Variants in NTM observed in about 807,000 individuals in gnomAD.
NTM encodes IgLON family member 2.
NTM carries 13 observed loss-of-function variants against 42.1 expected under a neutral mutation model. The ratio of observed to expected loss-of-function variants is 0.31; its 90% CI spans 0.20 to 0.49. NTM has a LOEUF of 0.49. NTM is among the 20% of genes least tolerant of loss of function. The pLI is 0.99. For synonymous variants in NTM, 187 were observed against 179.2 expected (o/e 1.04, Z -0.35); for missense variants, 373 against 452.8 (o/e 0.82, Z 1.60).
chr11:131,871,242 T>C (rs998180366), intron 1 of NTM, among the ~76,000 whole-genome samples: 5 of 152,230 alleles, frequency 3.3e-5, no homozygotes, highest in Non-Finnish European at 1.5e-5. Context: ...TAGTGCTCAG[T>C]GGTGCTCAGT....
At chr11:132,269,140 G>T (rs1366671837) in intron 4 of NTM, among the ~76,000 whole-genome samples, 2 of 152,150 alleles carry the variant, frequency 1.3e-5, no homozygotes, top group Non-Finnish European at 2.9e-5. Context: ...GAAAGGGCAT[G>T]ATATTGTTTT....
intron 1 of NTM, among the ~76,000 whole-genome samples, chr11:131,649,342 ATGCAGTGTC>A (rs1205628716): frequency 6.6e-6 from 1 of 152,238 alleles, no homozygotes; most frequent in Non-Finnish European, 1.5e-5. Context: ...CAGAAACAGA[ATGCAGTGTC>A]TGTTTATGCA....
intron 1 of NTM, among the ~76,000 whole-genome samples, chr11:131,648,018 C>T (rs769248453): frequency 6.6e-6 from 1 of 152,174 alleles, no homozygotes; most frequent in Admixed American, 6.5e-5. Context: ...CACCCTCTAT[C>T]TCCTGATAGG....
intron 1 of NTM, among the ~76,000 whole-genome samples, chr11:131,426,226 T>C (rs1591633546): frequency 1.3e-5 from 2 of 152,142 alleles, no homozygotes; most frequent in African/African-American, 4.8e-5. Context: ...CAGGATGAAG[T>C]CTGGGAACTG....
At chr11:132,162,077 T>C (rs1034756674) in intron 3 of NTM, among the ~76,000 whole-genome samples, 1 of 152,214 alleles carries the variant, frequency 6.6e-6, no homozygotes, top group Middle Eastern at 3.4e-3. Context: ...CGTCCTAATG[T>C]AAAGTGCGTG....
chr11:131,502,597 C>T (rs144506249), intron 1 of NTM, among the ~76,000 whole-genome samples: 233 of 152,208 alleles, frequency 1.5e-3, no homozygotes, highest in African/African-American at 4.9e-3. Flanking sequence ...CTGCATTCCC[C>T]GGCGTCTCTG....
intron 2 of NTM, among the ~76,000 whole-genome samples, chr11:132,136,221 G>T (rs1324596141): frequency 3.3e-5 from 5 of 152,110 alleles, no homozygotes; most frequent in Non-Finnish European, 5.9e-5. Flanking sequence ...TCCGTAGATG[G>T]TAGAAATGGA....
intron 1 of NTM, among the ~76,000 whole-genome samples, chr11:131,709,282 G>A (rs573470109): frequency 2.1e-4 from 32 of 152,264 alleles, no homozygotes; most frequent in Admixed American, 2.1e-3. Context: ...GGCAGCTTCT[G>A]AGCAGAAGAA....
chr11:131,702,386 C>A (rs533163316), intron 1 of NTM, among the ~76,000 whole-genome samples: 1 of 152,300 alleles, frequency 6.6e-6, no homozygotes, highest in South Asian at 2.1e-4. Flanking sequence ...TTAAAATGAT[C>A]TCATCATCAC....
intron 2 of NTM, among the ~76,000 whole-genome samples, chr11:132,078,241 G>A (rs2058610713): frequency 6.6e-6 from 1 of 152,188 alleles, no homozygotes; most frequent in South Asian, 2.1e-4. Context: ...TTCCAAATGA[G>A]GACTGCTTGG....
At chr11:131,744,156 A>G (rs1252934841) in intron 1 of NTM, among the ~76,000 whole-genome samples, 1 of 152,160 alleles carries the variant, frequency 6.6e-6, no homozygotes, top group Non-Finnish European at 1.5e-5. Context: ...ATTAGAGGTA[A>G]TTATTCCTAA....
At position 131,736,169 on chromosome 11, in the gene NTM, G is replaced by A. The variant is rs1036621738; in HGVS notation, c.83-175395G>A. On this transcript the variant is annotated intron_variant, in intron 1 of 8. Transcript: ENST00000683400. Reference sequence around the variant, plus strand: ...ATATTAAGAAACAAAGGCCTAAGAAGGTGACTTGTCCAAAGTCACCTGCCT... The same window carrying A: ...ATATTAAGAAACAAAGGCCTAAGAAAGTGACTTGTCCAAAGTCACCTGCCT... Among the ~76,000 whole-genome samples the A allele has an allele frequency of 3.3e-5, 5 of 151,898 alleles. No individual in the cohort carries two copies. The East Asian group carries it at 9.7e-4, about 29-fold the overall frequency.
chr11:132,224,149 A>G (rs2085710542), intron 4 of NTM, among the ~76,000 whole-genome samples: 1 of 152,226 alleles, frequency 6.6e-6, no homozygotes, highest in South Asian at 2.1e-4. Context: ...AGGATCCTCC[A>G]CTACGAGGAG....
chr11:132,177,547 C>T (rs2076998248), intron 3 of NTM, among the ~76,000 whole-genome samples: 1 of 152,178 alleles, frequency 6.6e-6, no homozygotes, highest in Non-Finnish European at 1.5e-5. Context: ...AGGTACTAAT[C>T]CATAACAAAT....
intron 3 of NTM, among the ~76,000 whole-genome samples, chr11:132,206,532 C>G (rs2082013219): frequency 6.6e-6 from 1 of 152,194 alleles, no homozygotes; most frequent in African/African-American, 2.4e-5. Flanking sequence ...GAGGTTCAGA[C>G]AGTTATTAGC....
chr11:132,214,954 C>T lies in NTM; in HGVS notation c.526+2807C>T, dbSNP rs538505358. Among the ~76,000 whole-genome samples, 3 of 152,336 alleles carry T rather than the reference C, an allele frequency of 2.0e-5. No homozygotes were observed. The East Asian group carries it at 5.8e-4, about 29-fold the overall frequency. On this transcript the variant is annotated intron_variant, in intron 4 of 8. Transcript: ENST00000683400. ...AGCAATAACTAATCACCTCAGAACT[C>T]ACCAGAGTGCCATTTCCCAGTGACT...
intron 1 of NTM, among the ~76,000 whole-genome samples, chr11:131,552,643 G>A (rs776928225): frequency 7.2e-5 from 11 of 151,910 alleles, no homozygotes; most frequent in East Asian, 3.9e-4. Flanking sequence ...GTGAAACACC[G>A]TCTCTACTAA....
At chr11:132,151,403 A>G (rs1290880547) in intron 3 of NTM, among the ~76,000 whole-genome samples, 2 of 152,214 alleles carry the variant, frequency 1.3e-5, no homozygotes, top group Admixed American at 1.3e-4. Context: ...TCCTTATCCA[A>G]GTATGGAAAA....
rs184723544 is a variant in NTM, at chr11:131,958,987, C to T, written c.167+47339C>T. 2.0e-4 allele frequency among the ~76,000 whole-genome samples: 30 copies of T among 152,184 alleles called. No individual in the cohort carries two copies. The East Asian group carries it at 4.4e-3, about 23-fold the overall frequency. ...CATGCCACTGTTTCAGGGGTGCTGGCGGAAGAAACGAGACTCCAGGGTCAG... is the reference window on the plus strand; with the variant it reads ...CATGCCACTGTTTCAGGGGTGCTGGTGGAAGAAACGAGACTCCAGGGTCAG... On this transcript the variant is annotated intron_variant, in intron 2 of 8. Transcript: ENST00000683400.
Sources: allele counts gnomAD v4.1 joint callset (sites outside exome capture counted in the v4.1 genomes callset), GRCh38; gene constraint gnomAD v4.1.1; transcripts MANE v1.5; gene names NCBI Gene and HGNC (gene_info 2026-07-23, HGNC 2026-07-21).